Variants in MAGI3 observed in about 807,000 individuals in gnomAD.
The protein encoded by MAGI3 is membrane-associated guanylate kinase, WW and PDZ domain-containing protein 3.
In MAGI3, 43 loss-of-function variants were observed where a neutral mutation model predicts 121.8. The observed-to-expected ratio is 0.35, with a 90% confidence interval of 0.28 to 0.46. The LOEUF (loss-of-function observed/expected upper bound fraction) is 0.46. Among genes scored for constraint, MAGI3 ranks in the 20% least tolerant of loss-of-function variants. The pLI is 1.00. For missense variants in MAGI3, 1,547 were observed against 1,797.3 expected, an observed-to-expected ratio of 0.86 and a Z score of 2.52; for synonymous variants, 553 against 639.3, an observed-to-expected ratio of 0.86 and a Z score of 2.04.
At chr1:113,583,391 G>C (rs1344188951) in intron 3 of MAGI3, among the ~76,000 whole-genome samples, 2 of 151,782 alleles carry the variant, frequency 1.3e-5, no homozygotes, top group African/African-American at 2.4e-5. Flanking sequence ...TTATTATGAA[G>C]TCCTAAAATC....
chr1:113,531,206 C>A (rs1182187561), intron 1 of MAGI3, among the ~76,000 whole-genome samples: 1 of 152,016 alleles, frequency 6.6e-6, no homozygotes, highest in African/African-American at 2.4e-5. Flanking sequence ...TAATAAAAAT[C>A]TGCTAATTTA....
intron 6 of MAGI3, among the ~76,000 whole-genome samples, chr1:113,603,638 A>G (rs1391133534): frequency 6.6e-6 from 1 of 152,156 alleles, no homozygotes; most frequent in African/African-American, 2.4e-5. Flanking sequence ...ATGCGACCTA[A>G]TTAAACAAAA....
intron 4 of MAGI3, among the ~76,000 whole-genome samples, chr1:113,588,769 T>C (rs1334891260): frequency 1.3e-5 from 2 of 152,114 alleles, no homozygotes; most frequent in Non-Finnish European, 2.9e-5. Context: ...AGTTTAATGA[T>C]AGGAATTCAA....
At chr1:113,433,677 A>G (rs1653414349) in intron 1 of MAGI3, among the ~76,000 whole-genome samples, 2 of 152,318 alleles carry the variant, frequency 1.3e-5, no homozygotes, top group South Asian at 4.2e-4. Context: ...ATGTGAAAAA[A>G]TTTTGGAAAA....
At position 113,685,503 on chromosome 1, in the gene MAGI3, A is replaced by G. The variant is rs1291993155; in HGVS notation, c.*1489A>G. On this transcript the variant is annotated 3_prime_UTR_variant, in exon 21 of 21. Coordinates refer to ENST00000307546, the MANE Select transcript of MAGI3 (RefSeq NM_001142782.2). ...CTCAATTAGCCCCTGTAGATAAGACATGCTTCCCAGAGTGAGATTTTTGAA... is the reference window on the plus strand; with the variant it reads ...CTCAATTAGCCCCTGTAGATAAGACGTGCTTCCCAGAGTGAGATTTTTGAA... 2 of 152,372 alleles carry G rather than the reference A, an allele frequency of 1.3e-5. No individual in the cohort carries two copies. Among genetic ancestry groups the G allele is most frequent in the East Asian group, 3.7e-4 (2 of 5,338 alleles). The allele number at this position is 152,372 out of a possible 1,614,324, so 9.4% of individuals were successfully genotyped here.
intron 1 of MAGI3, among the ~76,000 whole-genome samples, chr1:113,437,817 T>A (rs887969090): frequency 1.4e-4 from 1 of 7,262 alleles, no homozygotes; most frequent in Admixed American, 1.6e-3. Context: ...TTCTTCTTCT[T>A]CTTCTTCTTC....
At chr1:113,632,515 A>T (rs1164861488) in intron 9 of MAGI3, among the ~76,000 whole-genome samples, 1 of 152,216 alleles carries the variant, frequency 6.6e-6, no homozygotes, top group African/African-American at 2.4e-5. Context: ...AATTGATGAG[A>T]CAACAGGGGC....
At chr1:113,591,068 G>C (rs1164340352) in intron 5 of MAGI3, among the ~76,000 whole-genome samples, 2 of 152,194 alleles carry the variant, frequency 1.3e-5, no homozygotes, top group Middle Eastern at 6.8e-3. Flanking sequence ...CCTGGAGTTT[G>C]AGTTTGATGT....
chr1:113,397,153 T>C (rs1012969759), intron 1 of MAGI3, among the ~76,000 whole-genome samples: 9 of 152,202 alleles, frequency 5.9e-5, no homozygotes. Flanking sequence ...TTTGGTCGAA[T>C]ACCAGAAGAA....
intron 17 of MAGI3, among the ~76,000 whole-genome samples, chr1:113,672,244 A>G (rs2101021808): frequency 6.6e-6 from 1 of 152,360 alleles, no homozygotes; most frequent in Non-Finnish European, 1.5e-5. Flanking sequence ...TGAAAATATT[A>G]GCCTAGATTT....
chr1:113,673,185 C>A, intron 18 of MAGI3, 137 bp from the exon 19 acceptor site: 1 of 1,067,900 alleles, frequency 9.4e-7, no homozygotes, highest in Non-Finnish European at 1.3e-6. Flanking sequence ...TAACCAAAAC[C>A]TACATTCCTT....
At chr1:113,453,927 G>A (rs1654618199) in intron 1 of MAGI3, among the ~76,000 whole-genome samples, 1 of 152,192 alleles carries the variant, frequency 6.6e-6, no homozygotes, top group Non-Finnish European at 1.5e-5. Context: ...GTATTAGCAT[G>A]CCACTTTATG....
Position 113,395,314 on chromosome 1 carries a change from C to CT in MAGI3, c.316+3968dup. On this transcript the variant is annotated intron_variant, in intron 1 of 20. Coordinates refer to ENST00000307546, the MANE Select transcript of MAGI3 (RefSeq NM_001142782.2). ...ATAGAAAAAGAAGCAAGCCAAGCCC[C>CT]TTTGCTAGGGAAAGTAGCATTACAT... Among the ~76,000 whole-genome samples the CT allele has an allele frequency of 2.0e-5, 3 of 151,510 alleles. No individual in the cohort carries two copies. In the Middle Eastern group the frequency reaches 0.01, roughly 519 times the overall value.
chr1:113,641,751 A>G (rs1652544252), intron 9 of MAGI3, among the ~76,000 whole-genome samples, 160 bp from the exon 10 acceptor site: 1 of 152,110 alleles, frequency 6.6e-6, no homozygotes, highest in Non-Finnish European at 1.5e-5. Flanking sequence ...GGAGTTAGAA[A>G]AGGGAGAAGG....
intron 9 of MAGI3, among the ~76,000 whole-genome samples, chr1:113,633,757 G>T (rs1390929128): frequency 3.9e-5 from 6 of 152,058 alleles, no homozygotes; most frequent in African/African-American, 1.2e-4. Context: ...ACCCAGTAAT[G>T]GGATGGCTGG....
At chr1:113,585,817 A>G (rs1379963004) in intron 4 of MAGI3, among the ~76,000 whole-genome samples, 1 of 152,218 alleles carries the variant, frequency 6.6e-6, no homozygotes, top group Non-Finnish European at 1.5e-5. Flanking sequence ...ATAAACTATC[A>G]TTAGTAATAA....
intron 1 of MAGI3, among the ~76,000 whole-genome samples, chr1:113,504,270 T>A (rs1239782785): frequency 6.6e-6 from 1 of 151,976 alleles, no homozygotes; most frequent in Non-Finnish European, 1.5e-5. Context: ...AACATAAAAT[T>A]AATAGTCCAA....
Position 113,450,869 on chromosome 1 carries a change from T to G in MAGI3, c.316+59520T>G, listed in dbSNP as rs1438160168. 5 of 628,174 alleles carry G rather than the reference T, an allele frequency of 8.0e-6. No homozygotes were observed. In the East Asian group the frequency reaches 1.4e-4, roughly 17 times the overall value. 38.9% of individuals were successfully genotyped at this position (628,174 alleles called of 1,614,324 possible). ...AAATCTGCCACAGAAGGAACGATGA[T>G]CCATAGTCAGAAAAGTTATTGCAGC... On this transcript the variant is annotated intron_variant, in intron 1 of 20. Transcript: ENST00000307546.
intron 1 of MAGI3, among the ~76,000 whole-genome samples, chr1:113,529,131 C>G (rs1208653075): frequency 1.3e-5 from 2 of 152,202 alleles, no homozygotes; most frequent in South Asian, 4.1e-4. Flanking sequence ...CATCTACCCT[C>G]TACCTCTGTC....
Sources: gnomAD v4.1 joint callset for allele counts (sites outside exome capture counted in the v4.1 genomes callset) on GRCh38, gnomAD v4.1.1 for gene constraint, MANE v1.5 for transcripts, NCBI Gene and HGNC (gene_info 2026-07-23, HGNC 2026-07-21) for gene names.